AKR1B15: variants seen among roughly 807,000 people sequenced by gnomAD.
The protein encoded by AKR1B15 is estradiol 17-beta-dehydrogenase AKR1B15.
AKR1B15 carries 49 observed loss-of-function variants against 38.5 expected under a neutral mutation model. The ratio of observed to expected loss-of-function variants is 1.27; its 90% confidence interval spans 1.01 to 1.62. The LOEUF is 1.62. Among genes scored for constraint, AKR1B15 ranks in the 40% most tolerant of loss-of-function variants. The probability of loss-of-function intolerance (pLI) is 0.00; values close to 1 mark genes in which losing one functional copy is unlikely to be tolerated. For synonymous variants in AKR1B15, 137 were observed against 135.5 expected, an observed-to-expected ratio of 1.01 and a Z score of -0.08; for missense variants, 411 against 381.6, an observed-to-expected ratio of 1.08 and a Z score of -0.64.
chr7:134,553,411 G>A (rs911209523), intron 1 of AKR1B15, among the ~76,000 whole-genome samples: 2 of 152,142 alleles, frequency 1.3e-5, no homozygotes, highest in Admixed American at 6.5e-5. Context: ...GTCGCTAAAG[G>A]GGTACTTACT....
Position 134,555,466 on chromosome 7 carries a change from C to A in AKR1B15, c.-146-1270C>A, listed in dbSNP as rs193056301. 2.5e-3 allele frequency among the ~76,000 whole-genome samples: 382 copies of A among 152,218 alleles called. 2 individuals carry two copies. Among genetic ancestry groups the A allele is most frequent in the African/African-American group, 8.7e-3 (360 of 41,530 alleles). On this transcript the variant is annotated intron_variant, in intron 1 of 11. Coordinates refer to ENST00000457545, the MANE Select transcript of AKR1B15 (RefSeq NM_001080538.3). ...AATGGGTCCCCAAGCCTAGGCCAGG[C>A]CCCTTAAAACTGCGCCTAAGTTGAG...
chr7:134,551,607 C>T (rs937098482), intron 1 of AKR1B15, among the ~76,000 whole-genome samples: 1 of 152,098 alleles, frequency 6.6e-6, no homozygotes, highest in African/African-American at 2.4e-5. Flanking sequence ...AAAGCAAAAA[C>T]AGGTAGCTCA....
intron 3 of AKR1B15, among the ~76,000 whole-genome samples, chr7:134,567,576 G>A (rs559035442): frequency 7.2e-5 from 11 of 152,212 alleles, no homozygotes; most frequent in Admixed American, 2.6e-4. Context: ...TGCCGACAAG[G>A]TTTAGAGAGA....
chr7:134,570,395 G>C (rs1339338406), intron 5 of AKR1B15: 1 of 151,998 alleles, frequency 6.6e-6, no homozygotes, highest in Non-Finnish European at 1.5e-5. Context: ...TTGTGAAGTA[G>C]GTCATCTCTG....
chr7:134,550,615 T>G (rs960744466), intron 1 of AKR1B15, among the ~76,000 whole-genome samples: 1 of 152,224 alleles, frequency 6.6e-6, no homozygotes, highest in Non-Finnish European at 1.5e-5. Context: ...ATAATACTTC[T>G]GTTCTTCTGA....
In AKR1B15 at chr7:134,564,732, C is replaced by T; in HGVS notation, c.113C>T (p.Thr38Ile). 1 of 695,198 alleles carries T rather than the reference C, an allele frequency of 1.4e-6. No individual in the cohort carries two copies. Among genetic ancestry groups the T allele is most frequent in the Non-Finnish European group, 2.6e-6 (1 of 382,136 alleles). The allele number at this position is 695,198 out of a possible 1,614,324, so 43.1% of individuals were successfully genotyped here. A position where few individuals can be genotyped will look rare whatever the true frequency, so the allele number is the denominator to read the frequency against. Residue 38 changes from threonine (T) to isoleucine (I), a missense_variant, in exon 3 of 12, where the codon ACT becomes ATT. By Grantham distance (89) the Thr-to-Ile change is moderately conservative. Around this residue, in one of 3 missense-constraint regions of AKR1B15, gnomAD observed 254 missense variants for 212.4 expected, o/e 1.20. Coordinates refer to ENST00000457545, the MANE Select transcript of AKR1B15 (RefSeq NM_001080538.3). ...CTAAAGAGTTCCCTTCTGAAGGACA[C>T]TACAAGTGCAGGGCCCCTTCTTCGC... is the stretch of plus-strand genomic sequence containing the variant. Reference protein sequence around the residue: ...TGLKSSLLKDTTSAGPLLRPY... With the variant: ...TGLKSSLLKDITSAGPLLRPY...
chr7:134,569,851 C>A, intron 5 of AKR1B15: 1 of 268,172 alleles, frequency 3.7e-6, no homozygotes, highest in Non-Finnish European at 7.4e-6. Flanking sequence ...GCCTCAGGAC[C>A]CTGTGATGAT....
chr7:134,553,632 T>C (rs1794075957), intron 1 of AKR1B15, among the ~76,000 whole-genome samples: 1 of 152,184 alleles, frequency 6.6e-6, no homozygotes, highest in African/African-American at 2.4e-5. Context: ...CAAATGGATG[T>C]CGAATGCTCG....
chr7:134,561,930 CA>C (rs1794406087), intron 2 of AKR1B15, among the ~76,000 whole-genome samples: 1 of 152,210 alleles, frequency 6.6e-6, no homozygotes, highest in Non-Finnish European at 1.5e-5. Flanking sequence ...CTCCATTTCA[CA>C]GGGAAACCAT....
Position 134,577,713 on chromosome 7 carries a change from T to C in AKR1B15, c.919T>C (p.Phe307Leu). The C allele has an allele frequency of 1.9e-6, 3 of 1,613,872 alleles. No homozygotes were observed. Among genetic ancestry groups the C allele is most frequent in the Non-Finnish European group, 2.5e-6 (3 of 1,179,910 alleles). Residue 307 changes from phenylalanine to leucine, a missense_variant, in exon 11 of 12, where the codon TTT (phenylalanine) becomes CTT (leucine). Physicochemically the swap from Phe to Leu is conservative, Grantham distance 22. Coordinates refer to ENST00000457545, the MANE Select transcript of AKR1B15 (RefSeq NM_001080538.3). Reference protein sequence around the residue: ...HIVENIQVFDFKLSDEEMATI... With the variant: ...HIVENIQVFDLKLSDEEMATI... The stretch of plus-strand genomic sequence containing the variant: ...ATTCTTTCCTTTCTAGGTCTTTGAC[T>C]TTAAATTGAGTGATGAGGAGATGGC...
At chr7:134,558,293 T>TAC (rs1178889696) in intron 2 of AKR1B15, among the ~76,000 whole-genome samples, 1 of 152,254 alleles carries the variant, frequency 6.6e-6, no homozygotes, top group Non-Finnish European at 1.5e-5. Context: ...TCAGATCAAT[T>TAC]ACACTGAAAT....
intron 2 of AKR1B15, among the ~76,000 whole-genome samples, chr7:134,559,937 G>A (rs1484095908): frequency 2.6e-5 from 4 of 151,990 alleles, no homozygotes; most frequent in African/African-American, 2.4e-5. Context: ...GTGTAACCTC[G>A]TCTCTAACAA....
chr7:134,561,096 G>A (rs1392463160), intron 2 of AKR1B15, among the ~76,000 whole-genome samples: 2 of 152,222 alleles, frequency 1.3e-5, no homozygotes, highest in East Asian at 1.9e-4. Context: ...AGTCACAAAG[G>A]ATTTACTATT....
intron 2 of AKR1B15, among the ~76,000 whole-genome samples, chr7:134,562,897 T>TC (rs1794452064): frequency 6.9e-6 from 1 of 144,408 alleles, no homozygotes; most frequent in Non-Finnish European, 1.5e-5. Context: ...TTTCCTTCTT[T>TC]CTTCCTTCCT....
intron 6 of AKR1B15, among the ~76,000 whole-genome samples, chr7:134,572,683 T>G (rs1373172435): frequency 2.0e-5 from 3 of 151,928 alleles, no homozygotes; most frequent in Non-Finnish European, 4.4e-5. Flanking sequence ...GCCCTGCTTC[T>G]CAGATCAAAC....
intron 11 of AKR1B15, 89 bp from the exon 12 acceptor site, chr7:134,579,416 CCA>C: frequency 2.6e-6 from 3 of 1,151,530 alleles, no homozygotes; most frequent in East Asian, 5.0e-5. Flanking sequence ...ACCACAAATA[CCA>C]CAGAGTCCAC....
At chr7:134,553,740 C>T (rs930992213) in intron 1 of AKR1B15, among the ~76,000 whole-genome samples, 26 of 152,340 alleles carry the variant, frequency 1.7e-4, no homozygotes, top group African/African-American at 5.8e-4. Flanking sequence ...TGATCCAGAC[C>T]TTACCACACC....
chr7:134,573,673 C>A, intron 6 of AKR1B15: 1 of 422,364 alleles, frequency 2.4e-6, no homozygotes, highest in Non-Finnish European at 3.2e-6. Context: ...CTATGATGCA[C>A]AAAAGCTTTT....
chr7:134,556,286 C>A (rs186138571), intron 1 of AKR1B15, among the ~76,000 whole-genome samples: 1 of 152,124 alleles, frequency 6.6e-6, no homozygotes, highest in Non-Finnish European at 1.5e-5. Flanking sequence ...CCATTTTGGA[C>A]GGGATACATC....
Sources: allele counts gnomAD v4.1 joint callset (sites outside exome capture counted in the v4.1 genomes callset), GRCh38; gene constraint gnomAD v4.1.1; regional missense constraint gnomAD v4.1.1; transcripts MANE v1.5; gene names NCBI Gene and HGNC (gene_info 2026-07-23, HGNC 2026-07-21).